The following TRIM37 variants were observed in gnomAD, a reference collection of about 807,000 sequenced individuals.
TRIM37 encodes E3 ubiquitin-protein ligase TRIM37.
TRIM37 carries 80 observed loss-of-function variants against 129.8 expected under a neutral mutation model. That is an observed-to-expected ratio of 0.62 (90% CI 0.51 to 0.74). The LOEUF is 0.74. Among genes scored for constraint, TRIM37 ranks in the 30% least tolerant of loss-of-function variants. The pLI is 0.00. For synonymous variants in TRIM37, 389 were observed against 387.1 expected (o/e 1.00, Z -0.06); for missense variants, 1,054 against 1,176.5 (o/e 0.90, Z 1.52).
intron 21 of TRIM37, among the ~76,000 whole-genome samples, chr17:59,014,747 C>T (rs1005507098): frequency 4.6e-5 from 7 of 151,346 alleles, no homozygotes; most frequent in Non-Finnish European, 1.0e-4. Context: ...GCCCCCCTAC[C>T]GCCAACACAT....
At chr17:59,010,276 C>T (rs1224056318) in intron 22 of TRIM37, among the ~76,000 whole-genome samples, 4 of 152,128 alleles carry the variant, frequency 2.6e-5, no homozygotes, top group African/African-American at 9.7e-5. Context: ...GGAAACACTA[C>T]TGGTATCTAG....
chr17:59,062,771 G>T (rs758363559), intron 10 of TRIM37, 123 bp from the exon 11 acceptor site: 1 of 769,286 alleles, frequency 1.3e-6, no homozygotes, highest in Non-Finnish European at 2.3e-6. Context: ...ATAACAAGGT[G>T]ACTGAACAGG....
chr17:59,083,434 C>CAAA (rs780112963), intron 5 of TRIM37, among the ~76,000 whole-genome samples: 2 of 98,238 alleles, frequency 2.0e-5, no homozygotes, highest in East Asian at 3.1e-4. Context: ...GCGAAATTCT[C>CAAA]AAAAAAAAAA....
At chr17:59,051,463 T>C in intron 13 of TRIM37, 135 bp from the exon 14 acceptor site, 1 of 699,246 alleles carries the variant, frequency 1.4e-6, no homozygotes, top group South Asian at 1.5e-5. Flanking sequence ...CTAGTATTTG[T>C]TGTTTATAGA....
chr17:59,001,513 A>C, intron 23 of TRIM37, 85 bp downstream of exon 23: 1 of 1,570,606 alleles, frequency 6.4e-7, no homozygotes, highest in Non-Finnish European at 8.7e-7. Flanking sequence ...CGGAAAAAGT[A>C]GAAGTAGCAG....
At chr17:59,053,424 C>T (rs12603238) in intron 13 of TRIM37, among the ~76,000 whole-genome samples, 53,055 of 151,986 alleles carry the variant, frequency 0.35, 9,906 homozygotes, top group East Asian at 0.54. Context: ...GCTACTATAG[C>T]ATTATTTTAT....
chr17:59,039,503 C>T (rs2038924665), intron 17 of TRIM37, among the ~76,000 whole-genome samples: 1 of 152,114 alleles, frequency 6.6e-6, no homozygotes, highest in Non-Finnish European at 1.5e-5. Flanking sequence ...CCTGCCATCA[C>T]ACCTGGCTAA....
intron 18 of TRIM37, among the ~76,000 whole-genome samples, chr17:59,031,067 A>G (rs1282539453): frequency 1.3e-5 from 2 of 152,210 alleles, no homozygotes; most frequent in Non-Finnish European, 2.9e-5. Flanking sequence ...GAAGAAGCCT[A>G]AATAATCTGG....
chr17:59,069,776 T>C (rs2042213634), intron 9 of TRIM37, among the ~76,000 whole-genome samples: 1 of 152,130 alleles, frequency 6.6e-6, no homozygotes, highest in Non-Finnish European at 1.5e-5. Context: ...TAAGGCTAAA[T>C]GAGTTGATAA....
intron 22 of TRIM37, among the ~76,000 whole-genome samples, chr17:59,004,271 T>A (rs924450979): frequency 1.3e-5 from 2 of 152,106 alleles, no homozygotes; most frequent in Admixed American, 1.3e-4. Context: ...ACATTCTGAA[T>A]TAAATACAAA....
At chr17:59,042,057 C>A (rs542534762) in intron 16 of TRIM37, among the ~76,000 whole-genome samples, 159 bp from the exon 17 acceptor site, 1 of 152,024 alleles carries the variant, frequency 6.6e-6, no homozygotes, top group Admixed American at 6.6e-5. Flanking sequence ...ATTTAAGTAG[C>A]GTTAATGTTA....
chr17:59,078,325 T>G (rs1182812306), intron 7 of TRIM37, among the ~76,000 whole-genome samples: 1 of 152,146 alleles, frequency 6.6e-6, no homozygotes, highest in Non-Finnish European at 1.5e-5. Context: ...TGAAAAATAA[T>G]TTGAAAGCCA....
At chr17:59,055,927 A>G (rs1209157705) in intron 13 of TRIM37, among the ~76,000 whole-genome samples, 1 of 152,146 alleles carries the variant, frequency 6.6e-6, no homozygotes, top group African/African-American at 2.4e-5. Context: ...AACCTAAAAT[A>G]AAAGTTTAAG....
chr17:59,101,022 CAA>C (rs35079890), intron 2 of TRIM37, among the ~76,000 whole-genome samples: 11 of 105,236 alleles, frequency 1.0e-4, no homozygotes, highest in Admixed American at 2.2e-4. Flanking sequence ...AACGCCGTCT[CAA>C]AAAAAAAAAA....
intron 16 of TRIM37, among the ~76,000 whole-genome samples, chr17:59,044,767 T>C (rs1348049180): frequency 6.6e-6 from 1 of 152,192 alleles, no homozygotes; most frequent in African/African-American, 2.4e-5. Flanking sequence ...TTATATAAGA[T>C]ACTTGAGCAT....
At chr17:59,049,447 A>C in intron 14 of TRIM37, 54 bp from the exon 15 acceptor site, 1 of 1,462,944 alleles carries the variant, frequency 6.8e-7, no homozygotes, top group Non-Finnish European at 9.5e-7. Flanking sequence ...GCACAGTAAA[A>C]GATGTCTCAA....
intron 24 of TRIM37, among the ~76,000 whole-genome samples, chr17:58,991,175 CAAA>C (rs71145510): frequency 9.6e-5 from 8 of 83,638 alleles, no homozygotes; most frequent in African/African-American, 9.4e-5. Context: ...AACTCTGTCT[CAAA>C]AAAAAAAAAA....
rs894950750 is a variant in TRIM37, at chr17:59,096,317, C to T, written c.124-4977G>A. Reference sequence around the variant, plus strand: ...CTGTAATCTCAATACTTTGGGAGGCCGAGGTGGGTGGATCACCTGGAGTCA... The same window carrying T: ...CTGTAATCTCAATACTTTGGGAGGCTGAGGTGGGTGGATCACCTGGAGTCA... On this transcript the variant is annotated intron_variant, in intron 2 of 23. Transcript: ENST00000262294. Among the ~76,000 whole-genome samples the T allele has an allele frequency of 2.6e-5, 4 of 151,578 alleles. No homozygotes were observed. In the East Asian group the frequency reaches 7.7e-4, roughly 29 times the overall value.
chr17:59,036,447 GGTGTGTGTGT>G (rs10625636), intron 17 of TRIM37, among the ~76,000 whole-genome samples: 21 of 140,670 alleles, frequency 1.5e-4, no homozygotes, highest in East Asian at 8.4e-4. Context: ...ATTTGCTGGG[GGTGTGTGTGT>G]GTGTGTGTGT....
Sources: gnomAD v4.1 joint callset for allele counts (sites outside exome capture counted in the v4.1 genomes callset) on GRCh38, gnomAD v4.1.1 for gene constraint, MANE v1.5 for transcripts, NCBI Gene and HGNC (gene_info 2026-07-23, HGNC 2026-07-21) for gene names.